MIER3: variants seen among roughly 807,000 people sequenced by gnomAD.
MIER3 encodes mesoderm induction early response protein 3.
Under a neutral mutation model 63.2 loss-of-function variants are expected in MIER3, and 9 were observed. The observed-to-expected ratio is 0.14, with a 90% CI of 0.09 to 0.25. The LOEUF (loss-of-function observed/expected upper bound fraction) is 0.25. Among genes scored for constraint, MIER3 ranks in the 10% least tolerant of loss-of-function variants. The pLI is 1.00. For synonymous variants in MIER3, 205 were observed against 224.9 expected (o/e 0.91, Z 0.79); for missense variants, 512 against 666.2 (o/e 0.77, Z 2.55).
intron 5 of MIER3, among the ~76,000 whole-genome samples, chr5:56,936,081 G>C (rs1460986835): frequency 1.3e-5 from 2 of 152,088 alleles, no homozygotes; most frequent in African/African-American, 4.8e-5. Flanking sequence ...GCCGGGCGTG[G>C]TGGGGGGTGC....
rs750599697 is a variant in MIER3 at position 56,952,080 on chromosome 5, G to C, written c.9+14C>G. 74 of 1,302,038 alleles carry C rather than the reference G, an allele frequency of 5.7e-5. No individual in the cohort carries two copies. The East Asian group carries it at 2.3e-3, about 41-fold the overall frequency. The allele number at this position is 1,302,038 out of a possible 1,614,324, so 80.7% of individuals were successfully genotyped here. A position where few individuals can be genotyped will look rare whatever the true frequency, so the allele number is the denominator to read the frequency against. On this transcript the variant is annotated intron_variant, in intron 1 of 12. Coordinates refer to ENST00000381199, the MANE Select transcript of MIER3 (RefSeq NM_001297599.2). The stretch of plus-strand genomic sequence containing the variant: ...GCTCCAGCCCGGCTGCTCCTGCCCG[G>C]TTTCCCTGCTCACCTCCGCCATATT...
intron 2 of MIER3, among the ~76,000 whole-genome samples, chr5:56,947,996 G>GT (rs1561247448): frequency 6.6e-6 from 1 of 152,122 alleles, no homozygotes; most frequent in African/African-American, 2.4e-5. Flanking sequence ...AATTAGACCC[G>GT]TAACCCTCAG....
At position 56,933,306 on chromosome 5, in the gene MIER3, C is replaced by T; in HGVS notation, c.688G>A (p.Gly230Ser). Reference sequence around the variant, plus strand: ...ATCCTATCCATTATTTTTTCACTGCCAGTCCTTAATGAAGTCTCAACAAGG... The same window carrying T: ...ATCCTATCCATTATTTTTTCACTGCTAGTCCTTAATGAAGTCTCAACAAGG... The part of the protein sequence containing the change: ...EYLVETSLRT[G>S]SEKIMDRISA... The change falls in exon 8 of 13, where the codon GGC (glycine) becomes AGC (serine). Residue 230 changes from glycine to serine, a missense_variant. By Grantham distance (56) the Gly-to-Ser change is moderately conservative. Around this residue, in one of 5 missense-constraint regions of MIER3, gnomAD observed 118 missense variants for 133.6 expected, o/e 0.88. Coordinates refer to ENST00000381199, the MANE Select transcript of MIER3 (RefSeq NM_001297599.2). 1.2e-6 allele frequency: 2 copies of T among 1,613,110 alleles called. No homozygotes were observed. The highest frequency in any genetic ancestry group is 2.2e-5 in the South Asian group (2 of 90,926).
chr5:56,947,665 G>A (rs1279412273), intron 2 of MIER3, among the ~76,000 whole-genome samples: 1 of 152,158 alleles, frequency 6.6e-6, no homozygotes, highest in Non-Finnish European at 1.5e-5. Context: ...AGTACTTCAA[G>A]TTCCCTAGCA....
chr5:56,952,048 G>T, intron 1 of MIER3, 46 bp downstream of exon 1: 1 of 1,265,354 alleles, frequency 7.9e-7, no homozygotes. Flanking sequence ...GGAGCCGCCG[G>T]GCGCCCGCTC....
intron 2 of MIER3, among the ~76,000 whole-genome samples, chr5:56,947,644 A>G (rs1233087911): frequency 6.6e-6 from 1 of 152,184 alleles, no homozygotes; most frequent in Non-Finnish European, 1.5e-5. Flanking sequence ...ATCACTTTAC[A>G]TTTCTCTAAC....
chr5:56,942,141 A>G (rs955654404), intron 3 of MIER3, among the ~76,000 whole-genome samples: 1 of 152,226 alleles, frequency 6.6e-6, no homozygotes. Context: ...AGGCTGGGCT[A>G]AAGATATAAA....
chr5:56,938,974 T>C lies in MIER3; in HGVS notation c.224A>G (p.Tyr75Cys), dbSNP rs1750547563. 6.8e-6 allele frequency: 11 copies of C among 1,614,072 alleles called. No homozygotes were observed. Among genetic ancestry groups the C allele is most frequent in the South Asian group, 2.2e-5 (2 of 91,088 alleles). The change falls in exon 4 of 13, where the codon TAT (tyrosine) becomes TGT (cysteine). Residue 75 changes from tyrosine (Y) to cysteine (C), a missense_variant. By Grantham distance (194) the Tyr-to-Cys change is radical. Coordinates refer to ENST00000381199, the MANE Select transcript of MIER3 (RefSeq NM_001297599.2). ...TGCAACTGCTGGAATTGTAGGTTCATAGCCATAGAATGCCAGTAAATCTTC... is the reference window on the plus strand; with the variant it reads ...TGCAACTGCTGGAATTGTAGGTTCACAGCCATAGAATGCCAGTAAATCTTC... Reference protein sequence around the residue: ...PLEDLLAFYGYEPTIPAVANS... With the variant: ...PLEDLLAFYGCEPTIPAVANS...
At chr5:56,950,353 AG>A (rs549736814) in intron 2 of MIER3, among the ~76,000 whole-genome samples, 94 of 152,340 alleles carry the variant, frequency 6.2e-4, no homozygotes, top group African/African-American at 2.1e-3. Context: ...TCAGGCTCGG[AG>A]GAAAAATAAG....
At chr5:56,928,966 C>A in intron 9 of MIER3, 105 bp from the exon 10 acceptor site, 1 of 382,938 alleles carries the variant, frequency 2.6e-6, no homozygotes, top group Non-Finnish European at 5.3e-6. Context: ...CTCTCTCTCT[C>A]TCTCACACAC....
rs1749641512 is a variant in MIER3 at position 56,920,908 on chromosome 5, A to G, written c.*2220T>C. The G allele has an allele frequency of 6.6e-6, 1 of 152,554 alleles. No individual in the cohort carries two copies. Among genetic ancestry groups the G allele is most frequent in the South Asian group, 2.1e-4 (1 of 4,836 alleles). 9.5% of individuals were successfully genotyped at this position (152,554 alleles called of 1,614,324 possible). On this transcript the variant is annotated 3_prime_UTR_variant, in exon 13 of 13. Coordinates refer to ENST00000381199, the MANE Select transcript of MIER3 (RefSeq NM_001297599.2). ...GCACTCTCTAAGAGGCTAAAATCAG[A>G]TTGACATTTAAAAATCTATTAAACT... is the stretch of plus-strand genomic sequence containing the variant.
chr5:56,950,614 A>G lies in MIER3; in HGVS notation c.34+14T>C, dbSNP rs745918067. 3.7e-6 allele frequency: 6 copies of G among 1,613,888 alleles called. No homozygotes were observed. The South Asian group carries it at 6.6e-5, about 18-fold the overall frequency. On this transcript the variant is annotated intron_variant, in intron 2 of 12. Transcript: ENST00000381199. ...CACTGGGAACCACCGAAGACGTAAGAAAATAGGACAAACCTGGGCTCGAAC... is the reference window on the plus strand; with the variant it reads ...CACTGGGAACCACCGAAGACGTAAGGAAATAGGACAAACCTGGGCTCGAAC...
chr5:56,935,521 A>G, intron 6 of MIER3, 21 bp from the exon 7 acceptor site: 1 of 1,566,066 alleles, frequency 6.4e-7, no homozygotes, highest in Non-Finnish European at 8.6e-7. Context: ...ATTGAGAGGT[A>G]AAAATAACTT....
chr5:56,949,903 A>T (rs1750958082), intron 2 of MIER3, among the ~76,000 whole-genome samples: 1 of 152,226 alleles, frequency 6.6e-6, no homozygotes, highest in Non-Finnish European at 1.5e-5. Context: ...TGATTAGCAC[A>T]TGAGGAAAGG....
intron 9 of MIER3, 103 bp from the exon 10 acceptor site, chr5:56,928,964 C>A: frequency 2.5e-6 from 1 of 394,914 alleles, no homozygotes; most frequent in Non-Finnish European, 5.1e-6. Context: ...AACTCTCTCT[C>A]TCTCTCACAC....
chr5:56,944,115 G>A (rs938249888), intron 3 of MIER3, among the ~76,000 whole-genome samples: 9 of 151,876 alleles, frequency 5.9e-5, no homozygotes, highest in Admixed American at 1.3e-4. Flanking sequence ...GAATCAGGAT[G>A]TAGCCTGATA....
chr5:56,950,165 A>G (rs984680403), intron 2 of MIER3, among the ~76,000 whole-genome samples: 2 of 152,216 alleles, frequency 1.3e-5, no homozygotes, highest in Non-Finnish European at 2.9e-5. Flanking sequence ...TCAACTTCCA[A>G]TTTTAACACA....
Position 56,921,276 on chromosome 5 carries a change from C to G in MIER3, c.*1852G>C, listed in dbSNP as rs1037580198. ...ATCTTACTAAATTATAGAAAGTGTA[C>G]TGATTTTTAATAAAAGAAATAAGGT... On this transcript the variant is annotated 3_prime_UTR_variant, in exon 13 of 13. Transcript: ENST00000381199. 1 of 152,394 alleles carries G rather than the reference C, an allele frequency of 6.6e-6. No individual in the cohort carries two copies. The highest frequency in any genetic ancestry group is 1.5e-5 in the Non-Finnish European group (1 of 67,942). The allele number at this position is 152,394 out of a possible 1,614,324, so 9.4% of individuals were successfully genotyped here. A position where few individuals can be genotyped will look rare whatever the true frequency, so the allele number is the denominator to read the frequency against.
At position 56,948,844 on chromosome 5, in the gene MIER3, T is replaced by G. The variant is rs72759730; in HGVS notation, c.35-1773A>C. ...CTTTGGTAGCAGAGCTCCTCTGGGC[T>G]CTTCTGTTACTCTTCTATCACTTGG... On this transcript the variant is annotated intron_variant, in intron 2 of 12. Coordinates refer to ENST00000381199, the MANE Select transcript of MIER3 (RefSeq NM_001297599.2). Among the ~76,000 whole-genome samples, 470 of 152,324 alleles carry G rather than the reference T, an allele frequency of 3.1e-3. 2 individuals are homozygous for G. Among genetic ancestry groups the G allele is most frequent in the Non-Finnish European group, 5.7e-3 (388 of 68,032 alleles).
Sources: allele counts gnomAD v4.1 joint callset (sites outside exome capture counted in the v4.1 genomes callset), GRCh38; gene constraint gnomAD v4.1.1; regional missense constraint gnomAD v4.1.1; transcripts MANE v1.5; gene names NCBI Gene and HGNC (gene_info 2026-07-23, HGNC 2026-07-21).